The following CSMD1 variants were observed in gnomAD, a reference collection of about 807,000 sequenced individuals.
The protein encoded by CSMD1 is CUB and sushi domain-containing protein 1.
A neutral mutation model predicts 417.5 loss-of-function variants in CSMD1; 213 were observed. The ratio of observed to expected loss-of-function variants is 0.51; its 90% CI spans 0.46 to 0.57. The LOEUF is 0.57. Among genes scored for constraint, CSMD1 ranks in the 20% least tolerant of loss-of-function variants. The pLI is 0.00. For missense variants in CSMD1, 6,923 were observed against 4,529.7 expected, an observed-to-expected ratio of 1.53 and a Z score of -15.17; for synonymous variants, 2,862 against 1,736.8, an observed-to-expected ratio of 1.65 and a Z score of -16.11.
intron 3 of CSMD1, among the ~76,000 whole-genome samples, chr8:4,324,846 G>C (rs1050756630): frequency 2.0e-5 from 3 of 152,194 alleles, no homozygotes; most frequent in Non-Finnish European, 2.9e-5. Flanking sequence ...AAGAAGAGGA[G>C]GGACTCCCAT....
intron 69 of CSMD1, among the ~76,000 whole-genome samples, 155 bp downstream of exon 69, chr8:2,942,317 C>A (rs1801931013): frequency 6.6e-6 from 1 of 151,768 alleles, no homozygotes; most frequent in African/African-American, 2.4e-5. Flanking sequence ...CACGTGTACC[C>A]CGGAACTCAA....
At chr8:4,152,190 C>T (rs921583424) in intron 3 of CSMD1, among the ~76,000 whole-genome samples, 1 of 152,112 alleles carries the variant, frequency 6.6e-6, no homozygotes, top group Non-Finnish European at 1.5e-5. Flanking sequence ...ATAGTTCTTA[C>T]ATCTTTGGAG....
intron 5 of CSMD1, among the ~76,000 whole-genome samples, chr8:3,952,752 T>C (rs539076435): frequency 6.6e-6 from 1 of 152,350 alleles, no homozygotes; most frequent in Non-Finnish European, 1.5e-5. Flanking sequence ...TTGTATGTTA[T>C]GTTTATTTCA....
chr8:3,225,553 C>T (rs1254280372), intron 27 of CSMD1, among the ~76,000 whole-genome samples: 1 of 151,996 alleles, frequency 6.6e-6, no homozygotes, highest in Admixed American at 6.6e-5. Flanking sequence ...AAGAAGGTAC[C>T]TGAAGGTCTA....
chr8:4,297,978 T>C (rs565674810), intron 3 of CSMD1, among the ~76,000 whole-genome samples: 29 of 152,210 alleles, frequency 1.9e-4, no homozygotes, highest in Non-Finnish European at 3.4e-4. Context: ...GTGAATATGG[T>C]GAAGAGGTGC....
chr8:4,175,515 G>C (rs765704298), intron 3 of CSMD1, among the ~76,000 whole-genome samples: 1 of 151,456 alleles, frequency 6.6e-6, no homozygotes, highest in Non-Finnish European at 1.5e-5. Context: ...AAAGACAACT[G>C]ATAGAAGCCC....
chr8:3,169,467 A>G (rs1820447186), intron 37 of CSMD1, among the ~76,000 whole-genome samples: 1 of 152,294 alleles, frequency 6.6e-6, no homozygotes, highest in Admixed American at 6.5e-5. Flanking sequence ...TATCTCTAGT[A>G]GTCGAAATCA....
intron 5 of CSMD1, among the ~76,000 whole-genome samples, chr8:3,763,045 T>C (rs1051162340): frequency 6.6e-6 from 1 of 152,160 alleles, no homozygotes; most frequent in Non-Finnish European, 1.5e-5. Flanking sequence ...ATGTTAGTCA[T>C]TTTTGCGAGA....
At chr8:4,657,934 T>C (rs771014718) in intron 1 of CSMD1, among the ~76,000 whole-genome samples, 29 of 151,874 alleles carry the variant, frequency 1.9e-4, no homozygotes, top group Non-Finnish European at 4.4e-5. Context: ...AAAAGTACAA[T>C]AACTGATGCT....
intron 5 of CSMD1, among the ~76,000 whole-genome samples, chr8:3,889,815 C>A (rs1381509734): frequency 6.6e-6 from 1 of 151,918 alleles, no homozygotes; most frequent in Admixed American, 6.6e-5. Flanking sequence ...GTTGCAAATT[C>A]TTTATTTCTC....
chr8:4,082,113 G>A (rs894039477), intron 3 of CSMD1, among the ~76,000 whole-genome samples: 2 of 152,074 alleles, frequency 1.3e-5, no homozygotes, highest in Non-Finnish European at 2.9e-5. Flanking sequence ...GAAGAGATAT[G>A]TATTAACTAC....
At chr8:4,887,318 T>C (rs903157097) in intron 1 of CSMD1, among the ~76,000 whole-genome samples, 1 of 152,114 alleles carries the variant, frequency 6.6e-6, no homozygotes, top group Non-Finnish European at 1.5e-5. Flanking sequence ...AATTACAATG[T>C]GTTAAAGAAC....
chr8:3,568,991 T>TG (rs1373404172), intron 10 of CSMD1, among the ~76,000 whole-genome samples: 1 of 152,214 alleles, frequency 6.6e-6, no homozygotes, highest in Non-Finnish European at 1.5e-5. Context: ...GAATTCTGAT[T>TG]GCAGGACTCA....
chr8:4,136,395 G>C (rs1026842304), intron 3 of CSMD1, among the ~76,000 whole-genome samples: 8 of 152,110 alleles, frequency 5.3e-5, no homozygotes, highest in Non-Finnish European at 1.0e-4. Flanking sequence ...CTTGACTGGA[G>C]GGTCCCTTGA....
intron 2 of CSMD1, among the ~76,000 whole-genome samples, chr8:4,564,819 A>T (rs898874122): frequency 3.1e-4 from 47 of 152,286 alleles, no homozygotes; most frequent in African/African-American, 1.0e-3. Context: ...TAGCTTTTTC[A>T]CTCACTGTGG....
chr8:3,409,150 A>G (rs1812526673), intron 13 of CSMD1, among the ~76,000 whole-genome samples: 1 of 152,228 alleles, frequency 6.6e-6, no homozygotes, highest in Admixed American at 6.5e-5. Flanking sequence ...TTTGATGGAA[A>G]CAACGATATA....
At chr8:4,610,880 T>C (rs910889375) in intron 2 of CSMD1, among the ~76,000 whole-genome samples, 1 of 152,230 alleles carries the variant, frequency 6.6e-6, no homozygotes, top group Non-Finnish European at 1.5e-5. Flanking sequence ...TTTTGAATCA[T>C]TTTAATGACA....
chr8:4,771,580 G>C (rs1016987470), intron 1 of CSMD1, among the ~76,000 whole-genome samples: 1 of 152,130 alleles, frequency 6.6e-6, no homozygotes, highest in Non-Finnish European at 1.5e-5. Flanking sequence ...AAAAGAAATG[G>C]GATGTTGAAA....
At chr8:4,709,837 A>G (rs745567364) in intron 1 of CSMD1, among the ~76,000 whole-genome samples, 3 of 152,224 alleles carry the variant, frequency 2.0e-5, no homozygotes, top group Non-Finnish European at 4.4e-5. Flanking sequence ...CGTCCCGCAG[A>G]GTAAAATACA....
Sources: gnomAD v4.1 joint callset for allele counts (sites outside exome capture counted in the v4.1 genomes callset) on GRCh38, gnomAD v4.1.1 for gene constraint, MANE v1.5 for transcripts, NCBI Gene and HGNC (gene_info 2026-07-23, HGNC 2026-07-21) for gene names.